KIAA1217: variants seen among roughly 807,000 people sequenced by gnomAD.
KIAA1217 encodes the protein KIAA1217, also known as sickle tail protein homolog.
Under a neutral mutation model 163.9 loss-of-function variants are expected in KIAA1217, and 88 were observed. That is an observed-to-expected ratio of 0.54 (90% CI 0.45 to 0.64). The LOEUF is 0.64. Among genes scored for constraint, KIAA1217 ranks in the 30% least tolerant of loss-of-function variants. KIAA1217 has a pLI of 0.00. For missense variants in KIAA1217, 2,372 were observed against 2,475.0 expected (o/e 0.96, Z 0.88); for synonymous variants, 903 against 923.1 (o/e 0.98, Z 0.39).
intron 2 of KIAA1217, among the ~76,000 whole-genome samples, chr10:24,298,642 A>G (rs527325308): frequency 5.3e-5 from 8 of 152,120 alleles, no homozygotes; most frequent in South Asian, 2.1e-4. Flanking sequence ...TACTAAATAT[A>G]CAAAAATTAG....
chr10:23,856,558 T>C (rs187554250), intron 1 of KIAA1217, among the ~76,000 whole-genome samples: 468 of 152,336 alleles, frequency 3.1e-3, no homozygotes, highest in Middle Eastern at 0.014. Context: ...CAGGGACATT[T>C]AAGTCTGCAG....
intron 1 of KIAA1217, among the ~76,000 whole-genome samples, chr10:23,937,321 G>A (rs568802591): frequency 6.6e-6 from 1 of 152,180 alleles, no homozygotes; most frequent in African/African-American, 2.4e-5. Context: ...AGTAGCATGG[G>A]GACACAAACA....
intron 2 of KIAA1217, among the ~76,000 whole-genome samples, chr10:24,119,472 G>A (rs925136098): frequency 1.3e-5 from 2 of 152,096 alleles, no homozygotes; most frequent in Non-Finnish European, 2.9e-5. Flanking sequence ...CAACTCTATA[G>A]CAAAAGGATG....
intron 1 of KIAA1217, among the ~76,000 whole-genome samples, chr10:23,707,487 C>A (rs1000975501): frequency 6.6e-6 from 1 of 152,056 alleles, no homozygotes; most frequent in African/African-American, 2.4e-5. Flanking sequence ...AATGAAATAA[C>A]CCAGAAACAG....
intron 2 of KIAA1217, among the ~76,000 whole-genome samples, chr10:24,298,752 C>T (rs1032548746): frequency 5.3e-5 from 8 of 152,050 alleles, no homozygotes; most frequent in African/African-American, 1.7e-4. Flanking sequence ...GAGCCAAGAT[C>T]GCACCACTGC....
At chr10:24,109,186 G>A (rs555281313) in intron 2 of KIAA1217, among the ~76,000 whole-genome samples, 1 of 152,276 alleles carries the variant, frequency 6.6e-6, no homozygotes, top group East Asian at 1.9e-4. Context: ...CTAATGATCA[G>A]AGAGATGGAT....
At chr10:24,244,342 G>A (rs1005211539) in intron 2 of KIAA1217, among the ~76,000 whole-genome samples, 11 of 152,162 alleles carry the variant, frequency 7.2e-5, no homozygotes, top group Admixed American at 1.3e-4. Flanking sequence ...CCTTTTCATC[G>A]CTATTTATTA....
rs1465898830 is a variant in KIAA1217 at position 23,818,006 on chromosome 10, T to TAC, written c.-321+122773_-321+122774insCA. Among the ~76,000 whole-genome samples the TAC allele has an allele frequency of 4.4e-4, 43 of 96,940 alleles. 1 individual carries two copies. Among genetic ancestry groups the TAC allele is most frequent in the Middle Eastern group, 5.2e-3 (1 of 194 alleles). 63.6% of individuals were successfully genotyped at this position (96,940 alleles called of 152,430 possible). A position where few individuals can be genotyped will look rare whatever the true frequency, so the allele number is the denominator to read the frequency against. Reference sequence around the variant, plus strand: ...ATATATATATATATATATATATATATATACACACATATATATACACACATA... The same window carrying TAC: ...ATATATATATATATATATATATATATACATACACACATATATATACACACATA... On this transcript the variant is annotated intron_variant, in intron 1 of 18. Transcript: ENST00000376462.
chr10:24,148,595 T>C (rs1243533061), intron 2 of KIAA1217, among the ~76,000 whole-genome samples: 1 of 152,182 alleles, frequency 6.6e-6, no homozygotes, highest in Non-Finnish European at 1.5e-5. Context: ...CACTGCCTCC[T>C]CACTCTCTTC....
At chr10:24,190,625 A>G (rs371010909) in intron 2 of KIAA1217, among the ~76,000 whole-genome samples, 2 of 152,200 alleles carry the variant, frequency 1.3e-5, no homozygotes, top group East Asian at 3.9e-4. Context: ...TCCTGGGAGA[A>G]CCCAGTGCTA....
intron 2 of KIAA1217, among the ~76,000 whole-genome samples, chr10:24,352,982 A>G (rs1438337298): frequency 6.6e-6 from 1 of 151,900 alleles, no homozygotes; most frequent in African/African-American, 2.4e-5. Context: ...CTGGAGAGCA[A>G]AAAGAGTGTT....
At chr10:24,430,110 C>G (rs2059476490) in intron 3 of KIAA1217, among the ~76,000 whole-genome samples, 1 of 152,162 alleles carries the variant, frequency 6.6e-6, no homozygotes, top group South Asian at 2.1e-4. Flanking sequence ...CATGTCACTG[C>G]ACTCCAGCCT....
Position 23,734,258 on chromosome 10 carries a change from T to C in KIAA1217, c.-321+39024T>C, listed in dbSNP as rs548948247. 2.6e-5 allele frequency among the ~76,000 whole-genome samples: 4 copies of C among 151,772 alleles called. No homozygotes were observed. The South Asian group carries it at 6.2e-4, about 24-fold the overall frequency. On this transcript the variant is annotated intron_variant, in intron 1 of 18. Transcript: ENST00000376462. ...AGCACTATTCTTACTTTAGAAGTTA[T>C]CATTGCCTTTGAATTTAGATTTAAA...
intron 2 of KIAA1217, among the ~76,000 whole-genome samples, chr10:24,326,173 G>A (rs148209403): frequency 1.1e-4 from 16 of 152,134 alleles, no homozygotes; most frequent in African/African-American, 3.1e-4. Flanking sequence ...CATCAAGCTC[G>A]TTCATTATTA....
chr10:24,079,324 A>G (rs1044535533), intron 2 of KIAA1217, among the ~76,000 whole-genome samples: 4 of 152,182 alleles, frequency 2.6e-5, no homozygotes, highest in African/African-American at 9.7e-5. Context: ...GTGATCACCT[A>G]TGCCCCCATG....
At chr10:24,203,918 C>A (rs1384440980), upstream of KIAA1217, among the ~76,000 whole-genome samples, 1 of 152,220 alleles carries the variant, frequency 6.6e-6, no homozygotes, top group Non-Finnish European at 1.5e-5. Context: ...GCTTTCAAGA[C>A]GGTATGCTGC....
At chr10:24,199,637 G>A (rs1229141537) in intron 2 of KIAA1217, among the ~76,000 whole-genome samples, 1 of 152,126 alleles carries the variant, frequency 6.6e-6, no homozygotes. Context: ...GCAACCAATG[G>A]CAATTTTTAA....
chr10:24,147,614 G>A (rs373370931), intron 2 of KIAA1217, among the ~76,000 whole-genome samples: 4 of 151,882 alleles, frequency 2.6e-5, no homozygotes, highest in Non-Finnish European at 1.5e-5. Context: ...AGGCCAAGGC[G>A]GGCGGATCAT....
At chr10:23,796,643 A>G (rs538790678) in intron 1 of KIAA1217, among the ~76,000 whole-genome samples, 4 of 152,010 alleles carry the variant, frequency 2.6e-5, no homozygotes, top group African/African-American at 9.7e-5. Context: ...GATTATAGGC[A>G]TGAATCACTG....
Sources: allele counts gnomAD v4.1 joint callset (sites outside exome capture counted in the v4.1 genomes callset), GRCh38; gene constraint gnomAD v4.1.1; transcripts MANE v1.5; gene names NCBI Gene and HGNC (gene_info 2026-07-23, HGNC 2026-07-21).